Variants in FCHO2 observed in about 807,000 individuals in gnomAD.
FCHO2 encodes the protein F-BAR domain only protein 2.
FCHO2 carries 43 observed loss-of-function variants against 114.1 expected under a neutral mutation model. That is an observed-to-expected ratio of 0.38 (90% CI 0.30 to 0.49). FCHO2 has a LOEUF of 0.49. FCHO2 is among the 20% of genes least tolerant of loss of function. The probability of loss-of-function intolerance (pLI) is 0.97; values close to 1 mark genes in which losing one functional copy is unlikely to be tolerated. For missense variants in FCHO2, 807 were observed against 950.4 expected (o/e 0.85, Z 1.98); for synonymous variants, 293 against 315.2 (o/e 0.93, Z 0.75).
chr5:72,980,393 GATGT>G (rs1426395300), intron 2 of FCHO2, among the ~76,000 whole-genome samples: 1 of 152,168 alleles, frequency 6.6e-6, no homozygotes, highest in Non-Finnish European at 1.5e-5. Context: ...GAATAAGTGT[GATGT>G]GGTGCTGAGA....
chr5:72,986,578 G>T (rs923781713), intron 2 of FCHO2, among the ~76,000 whole-genome samples: 1 of 152,044 alleles, frequency 6.6e-6, no homozygotes, highest in Non-Finnish European at 1.5e-5. Context: ...CAGTTACCTT[G>T]CCCCCACCCT....
chr5:73,072,124 G>A (rs2112881344), intron 19 of FCHO2, among the ~76,000 whole-genome samples: 1 of 151,766 alleles, frequency 6.6e-6, no homozygotes, highest in South Asian at 2.1e-4. Flanking sequence ...AAATTCCTGG[G>A]TTCAAGCAGT....
In FCHO2 at chr5:73,017,288, G is replaced by T. The variant is rs778647518; in HGVS notation, c.776G>T (p.Gly259Val). ...SLIQKFAESK[G>V]TGKERPGLIE... ...ATACAAAAATTTGCTGAGTCAAAAGGCACTGGGAAGGAAAGACCTGGTAAG... is the reference window on the plus strand; with the variant it reads ...ATACAAAAATTTGCTGAGTCAAAAGTCACTGGGAAGGAAAGACCTGGTAAG... Residue 259 changes from glycine (G) to valine (V), a missense_variant, in exon 8 of 26, where the codon GGC becomes GTC. By Grantham distance (109) the Gly-to-Val change is moderately radical (BLOSUM62 -3). Transcript: ENST00000430046. 1.0e-5 allele frequency: 16 copies of T among 1,562,814 alleles called. No individual in the cohort carries two copies. The highest frequency in any genetic ancestry group is 1.4e-5 in the African/African-American group (1 of 73,410).
intron 8 of FCHO2, among the ~76,000 whole-genome samples, chr5:73,031,943 T>G (rs1435053407): frequency 6.6e-6 from 1 of 152,266 alleles, no homozygotes; most frequent in Non-Finnish European, 1.5e-5. Context: ...AGCAAACTAT[T>G]CATTAAGACT....
chr5:73,074,064 T>C (rs1742800429), intron 19 of FCHO2, among the ~76,000 whole-genome samples: 1 of 152,058 alleles, frequency 6.6e-6, no homozygotes, highest in Non-Finnish European at 1.5e-5. Context: ...TTTAAAACAA[T>C]AAACAGAAAC....
intron 19 of FCHO2, among the ~76,000 whole-genome samples, chr5:73,071,624 C>T (rs952078025): frequency 4.6e-5 from 7 of 151,894 alleles, no homozygotes; most frequent in Non-Finnish European, 7.4e-5. Context: ...ATTTTTATTT[C>T]TAAGAAATTA....
At chr5:72,990,665 ATAC>A (rs1753765456) in intron 4 of FCHO2, 44 bp from the exon 5 acceptor site, 1 of 1,532,884 alleles carries the variant, frequency 6.5e-7, no homozygotes, top group Admixed American at 2.3e-5. Context: ...CAGATATTGA[ATAC>A]TTTATAGTTC....
intron 10 of FCHO2, 78 bp from the exon 11 acceptor site, chr5:73,041,213 C>G (rs951070226): frequency 1.4e-5 from 13 of 906,878 alleles, no homozygotes; most frequent in Non-Finnish European, 2.1e-5. Context: ...TATTTAAGTA[C>G]CAAAGTAAAT....
intron 11 of FCHO2, 38 bp from the exon 12 acceptor site, chr5:73,051,311 G>T: frequency 1.5e-6 from 2 of 1,344,924 alleles, no homozygotes; most frequent in South Asian, 1.3e-5. Context: ...TTTGTACATT[G>T]GAGTTGTCAT....
At chr5:73,000,065 G>A (rs921527672) in intron 5 of FCHO2, among the ~76,000 whole-genome samples, 1 of 152,076 alleles carries the variant, frequency 6.6e-6, no homozygotes, top group South Asian at 2.1e-4. Flanking sequence ...GAGTGCATTG[G>A]CACAATCACG....
chr5:72,971,035 A>AT (rs1259938694), intron 2 of FCHO2, among the ~76,000 whole-genome samples: 2 of 152,028 alleles, frequency 1.3e-5, no homozygotes, highest in Admixed American at 6.6e-5. Context: ...TGAACTCATC[A>AT]TTTTTTATGG....
At chr5:73,031,409 C>A (rs545735749) in intron 8 of FCHO2, among the ~76,000 whole-genome samples, 1 of 152,250 alleles carries the variant, frequency 6.6e-6, no homozygotes, top group Admixed American at 6.5e-5. Flanking sequence ...CAGTTTTTAA[C>A]TAATGTTAAA....
At chr5:72,971,035 A>C (rs1184514174) in intron 2 of FCHO2, among the ~76,000 whole-genome samples, 1 of 152,028 alleles carries the variant, frequency 6.6e-6, no homozygotes, top group African/African-American at 2.4e-5. Context: ...TGAACTCATC[A>C]TTTTTTATGG....
intron 2 of FCHO2, among the ~76,000 whole-genome samples, chr5:72,980,369 T>C (rs1360717467): frequency 6.6e-6 from 1 of 152,186 alleles, no homozygotes; most frequent in African/African-American, 2.4e-5. Context: ...CTTCCAATTA[T>C]GTGGTCAGTT....
At chr5:73,048,319 A>G (rs1285163444) in intron 11 of FCHO2, among the ~76,000 whole-genome samples, 2 of 151,790 alleles carry the variant, frequency 1.3e-5, no homozygotes, top group African/African-American at 2.4e-5. Flanking sequence ...GTGTGGTGGT[A>G]GGCGCCTGTA....
At chr5:73,051,270 A>T (rs1221602588) in intron 11 of FCHO2, 79 bp from the exon 12 acceptor site, 8 of 965,336 alleles carry the variant, frequency 8.3e-6, no homozygotes, top group Non-Finnish European at 1.2e-5. Context: ...CCTAAGTAAT[A>T]CCTGAGGCTA....
rs1753707393 is a variant in FCHO2 at position 72,989,424 on chromosome 5, CAG to C, written c.126_127del. ...ATTATGATGTGGATATTTGATTTAA[CAG>C]AGCTACCATAGAGGAGGCATACTCC... is the stretch of plus-strand genomic sequence containing the variant. On this transcript the variant is annotated splice_acceptor_variant, in intron 2 of 25. Coordinates refer to ENST00000430046, the MANE Select transcript of FCHO2 (RefSeq NM_138782.3). LOFTEE classifies it high-confidence loss of function. The C allele has an allele frequency of 1.3e-6, 2 of 1,599,204 alleles. No individual in the cohort carries two copies. The highest frequency in any genetic ancestry group is 2.7e-5 in the African/African-American group (2 of 74,666).
At chr5:73,003,079 C>T (rs919532917) in intron 5 of FCHO2, among the ~76,000 whole-genome samples, 2 of 152,118 alleles carry the variant, frequency 1.3e-5, no homozygotes, top group Admixed American at 6.5e-5. Context: ...ATTATCATAG[C>T]TCACTGCAGC....
rs1756551086 is a variant in FCHO2, at chr5:73,037,124, A to G, written c.842-19A>G. On this transcript the variant is annotated intron_variant, in intron 9 of 25. Transcript: ENST00000430046. ...CAGGAATGTTTATGTTTCTGTAACA[A>G]TATATATTTATTTTAAAGGTATAAA... The G allele has an allele frequency of 1.4e-6, 2 of 1,449,656 alleles. No individual in the cohort carries two copies. Among genetic ancestry groups the G allele is most frequent in the Non-Finnish European group, 1.9e-6 (2 of 1,061,954 alleles). 89.8% of individuals were successfully genotyped at this position (1,449,656 alleles called of 1,614,324 possible).
Sources: gnomAD v4.1 joint callset for allele counts (sites outside exome capture counted in the v4.1 genomes callset) on GRCh38, gnomAD v4.1.1 for gene constraint, MANE v1.5 for transcripts, NCBI Gene and HGNC (gene_info 2026-07-23, HGNC 2026-07-21) for gene names.